MEMO1: variants seen among roughly 807,000 people sequenced by gnomAD.
The protein encoded by MEMO1 is mediator of cell motility 1.
A neutral mutation model predicts 45.2 loss-of-function variants in MEMO1; 6 were observed. That is an observed-to-expected ratio of 0.13 (90% CI 0.07 to 0.26). The LOEUF (loss-of-function observed/expected upper bound fraction) is 0.26. Ranked by LOEUF, MEMO1 falls within the 10% of genes least tolerant of loss-of-function variation. The probability of loss-of-function intolerance (pLI) is 1.00; values close to 1 mark genes in which losing one functional copy is unlikely to be tolerated. For synonymous variants in MEMO1, 78 were observed against 124.3 expected, an observed-to-expected ratio of 0.63 and a Z score of 2.48; for missense variants, 184 against 370.5, an observed-to-expected ratio of 0.50 and a Z score of 4.13.
intron 6 of MEMO1, among the ~76,000 whole-genome samples, chr2:31,906,947 G>A (rs984334314): frequency 2.6e-5 from 4 of 152,102 alleles, no homozygotes; most frequent in Admixed American, 1.3e-4. Flanking sequence ...TTCTAACTAT[G>A]CAACCCAGAC....
intron 6 of MEMO1, among the ~76,000 whole-genome samples, chr2:31,911,865 T>C (rs1263310935): frequency 6.6e-6 from 1 of 152,056 alleles, no homozygotes; most frequent in African/African-American, 2.4e-5. Context: ...GGTCTCGAAC[T>C]CCTGGGTTCA....
chr2:31,925,606 G>T (rs779949637), intron 4 of MEMO1, among the ~76,000 whole-genome samples: 55 of 151,534 alleles, frequency 3.6e-4, no homozygotes, highest in African/African-American at 1.2e-3. Context: ...TGGAATTCTG[G>T]TTTTCCTCAA....
chr2:31,881,000 G>A (rs1003865363), intron 8 of MEMO1, among the ~76,000 whole-genome samples: 1 of 151,344 alleles, frequency 6.6e-6, no homozygotes, highest in East Asian at 1.9e-4. Context: ...CTCCAGCCTG[G>A]GTGACAGAGG....
intron 2 of MEMO1, among the ~76,000 whole-genome samples, chr2:31,997,729 C>T (rs976999018): frequency 6.6e-6 from 1 of 152,102 alleles, no homozygotes; most frequent in African/African-American, 2.4e-5. Context: ...AAGCAGAGGT[C>T]ATAGTATGTA....
At chr2:31,982,411 G>A (rs1670749557) in intron 2 of MEMO1, among the ~76,000 whole-genome samples, 1 of 151,160 alleles carries the variant, frequency 6.6e-6, no homozygotes. Context: ...CCAACGTGGT[G>A]AAAGCCCGTC....
intron 2 of MEMO1, among the ~76,000 whole-genome samples, chr2:31,979,298 G>C (rs1202670190): frequency 6.6e-6 from 1 of 152,022 alleles, no homozygotes; most frequent in Non-Finnish European, 1.5e-5. Flanking sequence ...ATAAGATTTG[G>C]GTGGGGACAC....
At chr2:32,004,003 G>C (rs566954168) in intron 2 of MEMO1, among the ~76,000 whole-genome samples, 3 of 152,152 alleles carry the variant, frequency 2.0e-5, no homozygotes, top group Non-Finnish European at 4.4e-5. Context: ...CTCAACAAGA[G>C]TGAGACACCA....
At chr2:31,914,599 A>G (rs1459329653) in intron 6 of MEMO1, among the ~76,000 whole-genome samples, 1 of 152,114 alleles carries the variant, frequency 6.6e-6, no homozygotes, top group Non-Finnish European at 1.5e-5. Context: ...CTTCTCATGT[A>G]CCCCATATAT....
At chr2:31,870,036 T>A in intron 8 of MEMO1, 84 bp from the exon 9 acceptor site, 1 of 1,057,370 alleles carries the variant, frequency 9.5e-7, no homozygotes, top group Non-Finnish European at 1.3e-6. Flanking sequence ...TTTAAAACTG[T>A]TACTTAAACA....
chr2:31,925,002 T>C (rs976714621), intron 4 of MEMO1, among the ~76,000 whole-genome samples: 3 of 152,118 alleles, frequency 2.0e-5, no homozygotes, highest in African/African-American at 7.2e-5. Flanking sequence ...CTAGAATCCT[T>C]AAAATGGGCT....
At chr2:31,911,127 GA>G (rs1680506552) in intron 6 of MEMO1, among the ~76,000 whole-genome samples, 2 of 152,044 alleles carry the variant, frequency 1.3e-5, no homozygotes, top group African/African-American at 4.8e-5. Flanking sequence ...AATCCTTCAG[GA>G]GGTGGAATGG....
intron 2 of MEMO1, among the ~76,000 whole-genome samples, chr2:31,984,735 G>A (rs1671066495): frequency 6.6e-6 from 1 of 152,222 alleles, no homozygotes; most frequent in Non-Finnish European, 1.5e-5. Flanking sequence ...GAACCCGGGA[G>A]ACAGAGCTTG....
chr2:31,897,571 T>C (rs1473540352), intron 6 of MEMO1, among the ~76,000 whole-genome samples: 3 of 152,234 alleles, frequency 2.0e-5, no homozygotes, highest in East Asian at 1.9e-4. Flanking sequence ...TGAAGCCAAA[T>C]TGATCTTGAT....
At chr2:31,890,738 A>T (rs1214786925) in intron 7 of MEMO1, among the ~76,000 whole-genome samples, 1 of 152,066 alleles carries the variant, frequency 6.6e-6, no homozygotes, top group Non-Finnish European at 1.5e-5. Context: ...TAATTCTCTG[A>T]TGTGGGAGCC....
intron 8 of MEMO1, 27 bp from the exon 9 acceptor site, chr2:31,869,979 G>T: frequency 3.0e-6 from 4 of 1,342,348 alleles, no homozygotes; most frequent in South Asian, 1.7e-5. Flanking sequence ...AGAAGAGGAA[G>T]AAAAAAATAA....
intron 2 of MEMO1, among the ~76,000 whole-genome samples, chr2:31,996,036 C>T (rs1460995255): frequency 2.0e-5 from 3 of 152,076 alleles, no homozygotes; most frequent in Non-Finnish European, 4.4e-5. Context: ...AAGGGCGTAA[C>T]GATAGAGTGA....
At chr2:31,869,162 A>AC (rs1673293896) in intron 9 of MEMO1, among the ~76,000 whole-genome samples, 1 of 152,150 alleles carries the variant, frequency 6.6e-6, no homozygotes, top group South Asian at 2.1e-4. Context: ...GTCCTAACTT[A>AC]GTCTATTCTG....
At position 31,869,584 on chromosome 2, in the gene MEMO1, T is replaced by C. The variant is rs1015180395; in HGVS notation, c.762+264A>G. On this transcript the variant is annotated intron_variant, in intron 9 of 9. Transcript: ENST00000404530. ...TTGGTTTGTATTTATAAAGAGCATA[T>C]TGGAACTAAGAGTCAAGAGAAAATG... Among the ~76,000 whole-genome samples the C allele has an allele frequency of 1.1e-4, 17 of 152,068 alleles. No homozygotes were observed. In the East Asian group the frequency reaches 2.1e-3, roughly 19 times the overall value.
chr2:31,901,419 A>C (rs974270058), intron 6 of MEMO1, among the ~76,000 whole-genome samples: 6 of 151,392 alleles, frequency 4.0e-5, no homozygotes, highest in African/African-American at 1.5e-4. Context: ...CTACCAAGAC[A>C]TGCGACAACA....
Sources: gnomAD v4.1 joint callset for allele counts (sites outside exome capture counted in the v4.1 genomes callset) on GRCh38, gnomAD v4.1.1 for gene constraint, MANE v1.5 for transcripts, NCBI Gene and HGNC (gene_info 2026-07-23, HGNC 2026-07-21) for gene names.